PCOLCE2: variants seen among roughly 807,000 people sequenced by gnomAD.
PCOLCE2 encodes the protein procollagen C-proteinase enhancer 2.
In PCOLCE2, 42 loss-of-function variants were observed where a neutral mutation model predicts 47.0. The ratio of observed to expected loss-of-function variants is 0.89; its 90% confidence interval spans 0.70 to 1.16. The LOEUF is 1.16. Ranked by LOEUF, PCOLCE2 falls within the 50% of genes most tolerant of loss-of-function variation. The pLI is 0.00. For synonymous variants in PCOLCE2, 169 were observed against 191.7 expected, an observed-to-expected ratio of 0.88 and a Z score of 0.98; for missense variants, 500 against 526.1, an observed-to-expected ratio of 0.95 and a Z score of 0.49.
chr3:142,860,823 A>G (rs755918971), intron 2 of PCOLCE2, among the ~76,000 whole-genome samples: 3 of 152,124 alleles, frequency 2.0e-5, no homozygotes, highest in Non-Finnish European at 4.4e-5. Context: ...GGAAACACCC[A>G]TTCTGGAGCT....
chr3:142,832,095 A>G (rs550383983), intron 5 of PCOLCE2, among the ~76,000 whole-genome samples: 71 of 152,344 alleles, frequency 4.7e-4, no homozygotes, highest in African/African-American at 1.7e-3. Context: ...AGCTGTCTCT[A>G]GTTATCATTC....
chr3:142,852,025 C>T (rs1486976357), intron 2 of PCOLCE2, among the ~76,000 whole-genome samples: 1 of 152,190 alleles, frequency 6.6e-6, no homozygotes, highest in Non-Finnish European at 1.5e-5. Context: ...AACTGGGTTA[C>T]ATCATTGCAA....
intron 8 of PCOLCE2, among the ~76,000 whole-genome samples, chr3:142,819,978 C>G (rs1020340801): frequency 1.1e-4 from 17 of 152,040 alleles, no homozygotes; most frequent in African/African-American, 2.9e-4. Context: ...CTCTCTCTCT[C>G]TGTGTGTATG....
At chr3:142,875,697 T>C (rs919890686) in intron 2 of PCOLCE2, among the ~76,000 whole-genome samples, 3 of 152,136 alleles carry the variant, frequency 2.0e-5, no homozygotes, top group Admixed American at 2.0e-4. Flanking sequence ...GAGTTGTGAA[T>C]GGAGATGATG....
chr3:142,839,771 T>C (rs1380175285), intron 4 of PCOLCE2, among the ~76,000 whole-genome samples: 1 of 152,188 alleles, frequency 6.6e-6, no homozygotes, highest in East Asian at 1.9e-4. Context: ...ATGTTGCACA[T>C]ATAAATATAA....
chr3:142,832,113 T>C (rs1341059473), intron 5 of PCOLCE2, among the ~76,000 whole-genome samples: 1 of 152,228 alleles, frequency 6.6e-6, no homozygotes, highest in African/African-American at 2.4e-5. Flanking sequence ...TTCCATAGTC[T>C]TCCTGTCCTT....
At chr3:142,821,483 G>T (rs922895941) in intron 7 of PCOLCE2, among the ~76,000 whole-genome samples, 1 of 152,124 alleles carries the variant, frequency 6.6e-6, no homozygotes, top group Non-Finnish European at 1.5e-5. Flanking sequence ...CTTTGTGTCG[G>T]TGTGGGTGTG....
At chr3:142,862,130 G>GT (rs759486513) in intron 2 of PCOLCE2, among the ~76,000 whole-genome samples, 3 of 152,192 alleles carry the variant, frequency 2.0e-5, no homozygotes, top group Non-Finnish European at 2.9e-5. Flanking sequence ...GAGGGAGAAG[G>GT]TGGGGAGGTA....
At chr3:142,833,324 G>T (rs1268126744) in intron 5 of PCOLCE2, among the ~76,000 whole-genome samples, 1 of 152,040 alleles carries the variant, frequency 6.6e-6, no homozygotes, top group East Asian at 1.9e-4. Flanking sequence ...AAGTAGCGGG[G>T]ATTACATGCA....
At chr3:142,848,660 C>G (rs1560135093) in intron 2 of PCOLCE2, among the ~76,000 whole-genome samples, 188 bp from the exon 3 acceptor site, 1 of 152,134 alleles carries the variant, frequency 6.6e-6, no homozygotes, top group African/African-American at 2.4e-5. Context: ...TACTTATTTT[C>G]TTTTGACAAA....
intron 6 of PCOLCE2, among the ~76,000 whole-genome samples, chr3:142,824,430 G>A (rs1014178057): frequency 2.6e-5 from 4 of 152,174 alleles, no homozygotes; most frequent in Admixed American, 6.5e-5. Flanking sequence ...GAGAAACCCC[G>A]GGTTAACAAC....
chr3:142,859,970 T>C (rs758568103), intron 2 of PCOLCE2, among the ~76,000 whole-genome samples: 3 of 152,358 alleles, frequency 2.0e-5, no homozygotes, highest in African/African-American at 2.4e-5. Flanking sequence ...CAATGTTCTC[T>C]TAAATGAGTA....
At chr3:142,859,355 AC>A (rs1933136795) in intron 2 of PCOLCE2, among the ~76,000 whole-genome samples, 1 of 151,900 alleles carries the variant, frequency 6.6e-6, no homozygotes. Flanking sequence ...GAGCCAGCAC[AC>A]CTGGCCCATG....
chr3:142,879,981 A>C (rs1933579918), intron 2 of PCOLCE2, among the ~76,000 whole-genome samples: 1 of 151,598 alleles, frequency 6.6e-6, no homozygotes, highest in South Asian at 2.1e-4. Flanking sequence ...AAAAAAAAAA[A>C]AAAAAAAAAA....
intron 6 of PCOLCE2, chr3:142,827,508 C>T: frequency 1.3e-6 from 2 of 1,491,218 alleles, no homozygotes; most frequent in Non-Finnish European, 1.9e-6. Flanking sequence ...CTACGGCCTC[C>T]AGGCTTCTCC....
intron 2 of PCOLCE2, among the ~76,000 whole-genome samples, chr3:142,880,741 T>G (rs529831400): frequency 6.6e-6 from 1 of 152,234 alleles, no homozygotes; most frequent in African/African-American, 2.4e-5. Flanking sequence ...CTCAAGGCAA[T>G]GTTACAGGAA....
At position 142,835,397 on chromosome 3, in the gene PCOLCE2, T is replaced by C. The variant is rs538422679; in HGVS notation, c.710+3373A>G. On this transcript the variant is annotated intron_variant, in intron 5 of 8. Coordinates refer to ENST00000295992, the MANE Select transcript of PCOLCE2 (RefSeq NM_013363.4). The stretch of plus-strand genomic sequence containing the variant: ...TTTTTTCCTAATATCAATGAAGCTA[T>C]GCCAATTTTCCTTCAATTAGTGTTT... 1.8e-3 allele frequency among the ~76,000 whole-genome samples: 271 copies of C among 152,348 alleles called. 3 individuals carry two copies. The Middle Eastern group carries it at 0.024, about 13-fold the overall frequency.
intron 2 of PCOLCE2, among the ~76,000 whole-genome samples, chr3:142,866,872 T>A (rs1333958216): frequency 6.6e-6 from 1 of 152,212 alleles, no homozygotes; most frequent in Non-Finnish European, 1.5e-5. Flanking sequence ...CAGGCTTGCA[T>A]ATGTAAATGC....
chr3:142,857,887 T>A (rs548266443), intron 2 of PCOLCE2, among the ~76,000 whole-genome samples: 1 of 152,328 alleles, frequency 6.6e-6, no homozygotes, highest in South Asian at 2.1e-4. Flanking sequence ...CAGGCTAACA[T>A]TCTGGCCTCA....
Sources: allele counts gnomAD v4.1 joint callset (sites outside exome capture counted in the v4.1 genomes callset), GRCh38; gene constraint gnomAD v4.1.1; transcripts MANE v1.5; gene names NCBI Gene and HGNC (gene_info 2026-07-23, HGNC 2026-07-21).